Variants in GAREM1 observed in about 807,000 individuals in gnomAD.
GAREM1 encodes the protein GRB2 associated regulator of MAPK1 subtype 1, also known as GRB2-associated and regulator of MAPK protein 1.
Under a neutral mutation model 71.3 loss-of-function variants are expected in GAREM1, and 26 were observed. The observed-to-expected ratio is 0.36, with a 90% CI of 0.27 to 0.51. GAREM1 has a LOEUF of 0.51. Among genes scored for constraint, GAREM1 ranks in the 20% least tolerant of loss-of-function variants. GAREM1 has a pLI of 0.95. For synonymous variants in GAREM1, 440 were observed against 433.2 expected (o/e 1.02, Z -0.20); for missense variants, 1,026 against 1,103.1 (o/e 0.93, Z 0.99).
At chr18:32,421,209 G>A (rs1172747164) in intron 1 of GAREM1, among the ~76,000 whole-genome samples, 2 of 152,188 alleles carry the variant, frequency 1.3e-5, no homozygotes, top group Non-Finnish European at 2.9e-5. Context: ...TGTCTACTTT[G>A]TAAGGTTGTA....
intron 3 of GAREM1, among the ~76,000 whole-genome samples, chr18:32,298,715 G>C (rs2047167977): frequency 6.6e-6 from 1 of 152,136 alleles, no homozygotes; most frequent in Admixed American, 6.5e-5. Context: ...AGCAACAATT[G>C]TTCTAATAAC....
In GAREM1 at chr18:32,268,554, A is replaced by G. The variant is rs755560843; in HGVS notation, c.1948T>C (p.Tyr650His). ...SDFLLDPSRSYSYPRQKTPGT... is the reference protein window; with the variant it reads ...SDFLLDPSRSHSYPRQKTPGT... ...GGCGTCTTTTGTCTAGGGTAACTAT[A>G]ACTCCTGCTTGGATCCAGCAGGAAG... Residue 650 changes from tyrosine to histidine, a missense_variant, in exon 6 of 6, where the codon TAT becomes CAT. Transcript: ENST00000269209. 1.2e-6 allele frequency: 2 copies of G among 1,614,114 alleles called. No individual in the cohort carries two copies. Among genetic ancestry groups the G allele is most frequent in the Non-Finnish European group, 1.7e-6 (2 of 1,180,018 alleles).
At chr18:32,301,387 A>G (rs1182349536) in intron 3 of GAREM1, among the ~76,000 whole-genome samples, 2 of 152,224 alleles carry the variant, frequency 1.3e-5, no homozygotes, top group African/African-American at 2.4e-5. Context: ...AAATTTCAAA[A>G]TAAGTGTGAA....
chr18:32,378,261 C>A (rs1326917919), intron 2 of GAREM1, among the ~76,000 whole-genome samples: 4 of 152,012 alleles, frequency 2.6e-5, no homozygotes, highest in Admixed American at 6.5e-5. Context: ...GCACTTTGAG[C>A]GGCCAAGGCG....
intron 3 of GAREM1, among the ~76,000 whole-genome samples, chr18:32,299,370 C>G (rs369397103): frequency 2.0e-5 from 3 of 151,640 alleles, no homozygotes; most frequent in African/African-American, 7.3e-5. Context: ...AAAAATTAGC[C>G]GGGTGTGGCG....
At chr18:32,446,972 T>C (rs1472241984) in intron 1 of GAREM1, among the ~76,000 whole-genome samples, 3 of 152,202 alleles carry the variant, frequency 2.0e-5, no homozygotes, top group Non-Finnish European at 4.4e-5. Context: ...ACGTTTACTG[T>C]ATACATCATC....
At chr18:32,373,498 A>G (rs2048005775) in intron 2 of GAREM1, among the ~76,000 whole-genome samples, 1 of 152,126 alleles carries the variant, frequency 6.6e-6, no homozygotes, top group Non-Finnish European at 1.5e-5. Flanking sequence ...CCAGACCTAC[A>G]TTTTCTCTTC....
intron 1 of GAREM1, among the ~76,000 whole-genome samples, chr18:32,450,657 C>A (rs2048827658): frequency 6.6e-6 from 1 of 152,186 alleles, no homozygotes; most frequent in African/African-American, 2.4e-5. Flanking sequence ...AATACCTCAA[C>A]ATAGCCACAA....
At chr18:32,339,862 C>T (rs947542911) in intron 2 of GAREM1, among the ~76,000 whole-genome samples, 4 of 152,168 alleles carry the variant, frequency 2.6e-5, no homozygotes, top group African/African-American at 4.8e-5. Flanking sequence ...TCCTTCCATC[C>T]GAATGTTTCC....
At chr18:32,453,241 C>A (rs2048857727) in intron 1 of GAREM1, among the ~76,000 whole-genome samples, 1 of 152,224 alleles carries the variant, frequency 6.6e-6, no homozygotes, top group South Asian at 2.1e-4. Flanking sequence ...ACAGGGGAAA[C>A]TGCACCCAGG....
intron 2 of GAREM1, among the ~76,000 whole-genome samples, chr18:32,377,597 T>C (rs1188028900): frequency 6.6e-6 from 1 of 152,228 alleles, no homozygotes. Context: ...GGAGTCTCGT[T>C]CTGTCGCCCA....
At chr18:32,309,572 C>T (rs1269495624) in intron 3 of GAREM1, among the ~76,000 whole-genome samples, 6 of 139,958 alleles carry the variant, frequency 4.3e-5, no homozygotes, top group East Asian at 2.1e-4. Context: ...GCCGAGATCG[C>T]GCCACTGTAC....
intron 1 of GAREM1, among the ~76,000 whole-genome samples, chr18:32,453,973 TA>T (rs1435607578): frequency 1.3e-5 from 2 of 151,760 alleles, no homozygotes; most frequent in African/African-American, 2.4e-5. Context: ...TCAGAATCTA[TA>T]GGGGGGTGGG....
intron 3 of GAREM1, among the ~76,000 whole-genome samples, chr18:32,300,474 G>C (rs963090337): frequency 8.5e-5 from 13 of 152,214 alleles, no homozygotes; most frequent in East Asian, 1.9e-4. Context: ...CATGTATGCA[G>C]AGCAAAGTCT....
At chr18:32,278,965 C>T (rs2041578083) in intron 4 of GAREM1, among the ~76,000 whole-genome samples, 1 of 152,098 alleles carries the variant, frequency 6.6e-6, no homozygotes, top group Admixed American at 6.5e-5. Context: ...GCAAGGGAGG[C>T]CCAGGGGAAG....
chr18:32,268,825 G>A (rs1481319050), intron 5 of GAREM1, 57 bp from the exon 6 acceptor site: 9 of 1,474,072 alleles, frequency 6.1e-6, no homozygotes, highest in Middle Eastern at 4.8e-4. Context: ...AAATCCCAAG[G>A]CTTTTGTTAT....
chr18:32,268,679 A>C lies in GAREM1; in HGVS notation c.1823T>G (p.Leu608Arg), dbSNP rs759048804. The change falls in exon 6 of 6, where the codon CTG becomes CGG. Residue 608 changes from leucine (L) to arginine (R), a missense_variant. This residue lies in a region of GAREM1 where 636 missense variants were observed against 631.2 expected (regional missense o/e 1.01). Transcript: ENST00000269209. ...AGAAGGACTTCCAAACGGGGATTTC[A>C]GGTCCACAGAATCAGTTTTCACTCG... ...CNRVKTDSVDLKSPFGSPSAE... is the reference protein window; with the variant it reads ...CNRVKTDSVDRKSPFGSPSAE... 6.2e-7 allele frequency: 1 copy of C among 1,614,186 alleles called. No homozygotes were observed. The highest frequency in any genetic ancestry group is 8.5e-7 in the Non-Finnish European group (1 of 1,180,016).
chr18:32,287,881 A>C lies in GAREM1; in HGVS notation c.716T>G (p.Ile239Ser). 1 of 1,613,640 alleles carries C rather than the reference A, an allele frequency of 6.2e-7. No individual in the cohort carries two copies. The stretch of plus-strand genomic sequence containing the variant: ...CACAGGAAGCCTGGTTTTCTCCACA[A>C]TGTTGCGGATGGTGTGTTCGCCCTC... ...MQEGEHTIRN[I>S]VEKTRLPVNV... The change falls in exon 4 of 6, where the codon ATT (isoleucine) becomes AGT (serine). Residue 239 changes from isoleucine (I) to serine (S), a missense_variant. By Grantham distance (142) the Ile-to-Ser change is moderately radical. Around this residue, in one of 3 missense-constraint regions of GAREM1, gnomAD observed 218 missense variants for 296.8 expected, o/e 0.73. Transcript: ENST00000269209. This position sits in a 1 kb window ranked among gnomAD's most constrained non-coding sequence, Gnocchi z 5.9.
chr18:32,384,920 G>T (rs576493311), intron 2 of GAREM1, among the ~76,000 whole-genome samples: 10 of 152,104 alleles, frequency 6.6e-5, no homozygotes, highest in Admixed American at 6.5e-5. Flanking sequence ...CCCTCTATCT[G>T]ACCACAAAAA....
Sources: gnomAD v4.1 joint callset for allele counts (sites outside exome capture counted in the v4.1 genomes callset) on GRCh38, gnomAD v4.1.1 for gene constraint, gnomAD v4.1.1 regional missense constraint, Gnocchi (gnomAD v3.1) non-coding constraint, MANE v1.5 for transcripts, NCBI Gene and HGNC (gene_info 2026-07-23, HGNC 2026-07-21) for gene names.